Variants in PRKN observed in about 807,000 individuals in gnomAD.
The protein encoded by PRKN is E3 ubiquitin-protein ligase parkin.
In PRKN, 56 loss-of-function variants were observed where a neutral mutation model predicts 59.5. The observed-to-expected ratio is 0.94, with a 90% confidence interval of 0.76 to 1.18. PRKN has a LOEUF of 1.18. Ranked by LOEUF, PRKN falls within the 50% of genes most tolerant of loss-of-function variation. The pLI is 0.00. For synonymous variants in PRKN, 250 were observed against 222.1 expected (o/e 1.13, Z -1.12); for missense variants, 657 against 596.4 (o/e 1.10, Z -1.06).
At chr6:161,944,489 G>T (rs1200245505) in intron 6 of PRKN, among the ~76,000 whole-genome samples, 2 of 151,916 alleles carry the variant, frequency 1.3e-5, no homozygotes, top group Non-Finnish European at 2.9e-5. Flanking sequence ...GCCATTGAAG[G>T]TTCCTCAGCA....
At chr6:161,763,032 A>AT (rs1385920028) in intron 7 of PRKN, among the ~76,000 whole-genome samples, 1 of 152,230 alleles carries the variant, frequency 6.6e-6, no homozygotes, top group Admixed American at 6.5e-5. Flanking sequence ...GTTTCTTAAG[A>AT]TAAGTCCTGA....
chr6:162,623,309 C>CA (rs11432251), intron 1 of PRKN, among the ~76,000 whole-genome samples: 93,094 of 151,880 alleles, frequency 0.61, 29,230 homozygotes, highest in African/African-American at 0.75. Context: ...TTCTTAATTT[C>CA]AGAGAATTGA....
At chr6:161,808,947 C>T (rs1205139775) in intron 6 of PRKN, among the ~76,000 whole-genome samples, 1 of 152,116 alleles carries the variant, frequency 6.6e-6, no homozygotes, top group East Asian at 1.9e-4. Context: ...CTCAATCGAT[C>T]CTCCCACTTC....
At chr6:162,699,963 C>A (rs1036898667) in intron 1 of PRKN, among the ~76,000 whole-genome samples, 3 of 152,150 alleles carry the variant, frequency 2.0e-5, no homozygotes, top group Non-Finnish European at 4.4e-5. Context: ...ACACCTAGAA[C>A]CCTGATGAAC....
At chr6:161,800,598 G>A (rs1334559371) in intron 6 of PRKN, among the ~76,000 whole-genome samples, 1 of 152,222 alleles carries the variant, frequency 6.6e-6, no homozygotes, top group African/African-American at 2.4e-5. Context: ...CAGTGGGCAT[G>A]GGATGCATGG....
chr6:161,899,723 T>C (rs747261095), intron 6 of PRKN, among the ~76,000 whole-genome samples: 148 of 152,198 alleles, frequency 9.7e-4, no homozygotes, highest in Non-Finnish European at 1.9e-3. Context: ...TAACCAATTA[T>C]TTTTCTCCAG....
At chr6:162,408,489 A>G (rs1788190076) in intron 2 of PRKN, among the ~76,000 whole-genome samples, 1 of 152,206 alleles carries the variant, frequency 6.6e-6, no homozygotes, top group African/African-American at 2.4e-5. Context: ...GGTTTAGGGT[A>G]CATCTCTAAA....
At chr6:162,615,110 T>A (rs1562438276) in intron 1 of PRKN, among the ~76,000 whole-genome samples, 1 of 152,186 alleles carries the variant, frequency 6.6e-6, no homozygotes, top group Non-Finnish European at 1.5e-5. Flanking sequence ...GCACATACCT[T>A]AAGTAGCAAT....
intron 2 of PRKN, among the ~76,000 whole-genome samples, chr6:162,321,515 CA>C (rs1242958742): frequency 4.0e-5 from 6 of 151,686 alleles, no homozygotes; most frequent in African/African-American, 1.5e-4. Context: ...GCAATACTTC[CA>C]ATTTATTTTT....
intron 5 of PRKN, among the ~76,000 whole-genome samples, chr6:162,029,004 A>G (rs189702619): frequency 2.6e-5 from 4 of 152,356 alleles, no homozygotes; most frequent in African/African-American, 7.2e-5. Flanking sequence ...CCAGAAATTC[A>G]GGTGGAACAA....
chr6:162,468,491 T>C (rs545014257), intron 1 of PRKN, among the ~76,000 whole-genome samples: 1 of 151,694 alleles, frequency 6.6e-6, no homozygotes, highest in South Asian at 2.1e-4. Flanking sequence ...ATTTCTAAAC[T>C]GTTCGGTAAT....
chr6:161,573,649 G>A (rs867548386), intron 7 of PRKN, among the ~76,000 whole-genome samples: 1 of 144,462 alleles, frequency 6.9e-6, no homozygotes, highest in Non-Finnish European at 1.5e-5. Flanking sequence ...GAACCCGGCA[G>A]GCGGAGCTTG....
At chr6:162,547,263 C>T (rs1295267050) in intron 1 of PRKN, among the ~76,000 whole-genome samples, 1 of 152,170 alleles carries the variant, frequency 6.6e-6, no homozygotes, top group African/African-American at 2.4e-5. Context: ...ATAATAAATC[C>T]TCTCTTCGTT....
chr6:162,706,579 G>C (rs905499093), intron 1 of PRKN, among the ~76,000 whole-genome samples: 2 of 152,140 alleles, frequency 1.3e-5, no homozygotes, highest in Non-Finnish European at 2.9e-5. Flanking sequence ...TAAGCTTCCT[G>C]GACTCATATC....
At chr6:162,551,337 C>T (rs570378991) in intron 1 of PRKN, among the ~76,000 whole-genome samples, 126 of 152,170 alleles carry the variant, frequency 8.3e-4, no homozygotes, top group African/African-American at 2.9e-3. Context: ...TAAGGAGGTT[C>T]GTTAAAGTGT....
intron 1 of PRKN, among the ~76,000 whole-genome samples, chr6:162,458,605 C>T (rs1447955504): frequency 6.7e-6 from 1 of 149,298 alleles, no homozygotes; most frequent in Non-Finnish European, 1.5e-5. Context: ...AGCTTGCTGG[C>T]TCTGTGAGTA....
intron 5 of PRKN, among the ~76,000 whole-genome samples, chr6:162,000,527 A>C (rs1279620941): frequency 6.6e-6 from 1 of 151,600 alleles, no homozygotes; most frequent in Admixed American, 6.6e-5. Flanking sequence ...TGAGTTTTTA[A>C]AGTTCTTTGT....
At chr6:162,046,727 T>C (rs369536401) in intron 5 of PRKN, among the ~76,000 whole-genome samples, 1 of 152,210 alleles carries the variant, frequency 6.6e-6, no homozygotes, top group African/African-American at 2.4e-5. Context: ...AGTTATGTCA[T>C]GGTTATCTCA....
intron 1 of PRKN, among the ~76,000 whole-genome samples, chr6:162,473,159 T>C (rs1396234994): frequency 1.3e-5 from 2 of 152,178 alleles, no homozygotes; most frequent in Non-Finnish European, 2.9e-5. Context: ...TCATGTTATC[T>C]ACTCTGAAGT....
Sources: allele counts gnomAD v4.1 joint callset (sites outside exome capture counted in the v4.1 genomes callset), GRCh38; gene constraint gnomAD v4.1.1; transcripts MANE v1.5; gene names NCBI Gene and HGNC (gene_info 2026-07-23, HGNC 2026-07-21).